Variants in UBE2L3 observed in about 807,000 individuals in gnomAD.
UBE2L3 encodes the protein ubiquitin-conjugating enzyme E2 L3.
In UBE2L3, 1 loss-of-function variant was observed where a neutral mutation model predicts 17.8. The observed-to-expected ratio is 0.06, with a 90% CI of 0.02 to 0.27. UBE2L3 has a LOEUF of 0.27. Among genes scored for constraint, UBE2L3 ranks in the 10% least tolerant of loss-of-function variants. The pLI is 1.00. For missense variants in UBE2L3, 40 were observed against 192.6 expected (o/e 0.21, Z 4.69); for synonymous variants, 44 against 68.5 (o/e 0.64, Z 1.76).
At chr22:21,611,383 G>C (rs2148442176) in intron 3 of UBE2L3, among the ~76,000 whole-genome samples, 1 of 152,330 alleles carries the variant, frequency 6.6e-6, no homozygotes, top group Middle Eastern at 3.4e-3. Context: ...ACAAGGGGAA[G>C]GGAGAGTGGG....
chr22:21,607,885 T>G (rs1929262470), intron 2 of UBE2L3, among the ~76,000 whole-genome samples: 1 of 152,132 alleles, frequency 6.6e-6, no homozygotes, highest in Non-Finnish European at 1.5e-5. Flanking sequence ...CTGGGAAGAT[T>G]GAGCTGGCCA....
intron 3 of UBE2L3, among the ~76,000 whole-genome samples, chr22:21,619,007 G>A (rs1281265636): frequency 6.6e-6 from 1 of 152,194 alleles, no homozygotes; most frequent in African/African-American, 2.4e-5. Flanking sequence ...CCTTAGCCCA[G>A]TGAGGTTTCT....
intron 2 of UBE2L3, among the ~76,000 whole-genome samples, chr22:21,598,114 T>C (rs748422427): frequency 1.2e-4 from 18 of 150,228 alleles, no homozygotes; most frequent in Non-Finnish European, 2.4e-4. Context: ...TTTAATAATA[T>C]GAGTCTTTTC....
intron 1 of UBE2L3, chr22:21,567,981 C>A: frequency 7.3e-6 from 10 of 1,366,240 alleles, no homozygotes; most frequent in Non-Finnish European, 9.4e-6. Context: ...CGCTGGGAGC[C>A]GCTGTCGGCC....
intron 3 of UBE2L3, among the ~76,000 whole-genome samples, chr22:21,615,701 C>T (rs1371554099): frequency 6.6e-6 from 1 of 152,210 alleles, no homozygotes. Context: ...TTTTTTGTAG[C>T]CCCAAAATCA....
At chr22:21,611,955 C>T (rs139076551) in intron 3 of UBE2L3, among the ~76,000 whole-genome samples, 15 of 152,234 alleles carry the variant, frequency 9.9e-5, no homozygotes, top group East Asian at 9.6e-4. Flanking sequence ...CCAGATCAGA[C>T]GGAGTCCAGA....
intron 1 of UBE2L3, among the ~76,000 whole-genome samples, chr22:21,586,778 G>A (rs1226500228): frequency 2.6e-5 from 4 of 151,524 alleles, no homozygotes; most frequent in Non-Finnish European, 5.9e-5. Flanking sequence ...ATGTCGGCCA[G>A]GCTGCTCTCA....
At chr22:21,601,088 T>G (rs1601427069) in intron 2 of UBE2L3, among the ~76,000 whole-genome samples, 2 of 151,896 alleles carry the variant, frequency 1.3e-5, no homozygotes. Context: ...GGAGAATTGC[T>G]TGAACCCAGG....
Position 21,604,640 on chromosome 22 carries a change from A to G in UBE2L3, c.124-6217A>G, listed in dbSNP as rs183421266. 9.9e-5 allele frequency among the ~76,000 whole-genome samples: 15 copies of G among 152,258 alleles called. 1 individual carries two copies. In the East Asian group the frequency reaches 2.1e-3, roughly 22 times the overall value. ...TGTTTTTTCATTAACATCCCTTGTT[A>G]TTTCTGAGTGGCCTTCCCAAAGGGC... On this transcript the variant is annotated intron_variant, in intron 2 of 3. Transcript: ENST00000342192.
intron 2 of UBE2L3, among the ~76,000 whole-genome samples, chr22:21,604,224 G>A (rs1471757219): frequency 6.6e-6 from 1 of 152,126 alleles, no homozygotes; most frequent in Non-Finnish European, 1.5e-5. Flanking sequence ...AATCAGCTGG[G>A]CGTAGTGGCT....
intron 3 of UBE2L3, among the ~76,000 whole-genome samples, chr22:21,612,542 G>T (rs1259565764): frequency 1.3e-5 from 2 of 150,646 alleles, no homozygotes; most frequent in African/African-American, 4.9e-5. Flanking sequence ...AGCCAGGATG[G>T]TCTCGATCTC....
chr22:21,586,514 G>A (rs952736695), intron 1 of UBE2L3, among the ~76,000 whole-genome samples: 20 of 149,458 alleles, frequency 1.3e-4, no homozygotes, highest in African/African-American at 4.2e-4. Context: ...CAAGTGATCC[G>A]CCCACCTCGG....
intron 2 of UBE2L3, among the ~76,000 whole-genome samples, chr22:21,608,810 G>A (rs931574677): frequency 2.2e-4 from 30 of 134,702 alleles, no homozygotes; most frequent in Non-Finnish European, 3.6e-4. Flanking sequence ...TTGAACTCCC[G>A]GCCTCAAGTG....
intron 1 of UBE2L3, among the ~76,000 whole-genome samples, chr22:21,583,402 A>G (rs1023972539): frequency 2.0e-5 from 3 of 152,214 alleles, no homozygotes; most frequent in African/African-American, 7.2e-5. Context: ...TAGGGATACT[A>G]CAGGCCTTTT....
rs546729261 is a variant in UBE2L3 at position 21,590,137 on chromosome 22, G to A, written c.28-2724G>A. ...TCATGTTACAGTTGAGTTCCATCTT[G>A]CCATATTTTTATAATTCTTGTGAAA... On this transcript the variant is annotated intron_variant, in intron 1 of 3. Transcript: ENST00000342192. 5.9e-5 allele frequency among the ~76,000 whole-genome samples: 9 copies of A among 152,168 alleles called. No homozygotes were observed. The South Asian group carries it at 1.7e-3, about 28-fold the overall frequency.
At chr22:21,613,984 G>A (rs1359102815) in intron 3 of UBE2L3, among the ~76,000 whole-genome samples, 1 of 152,170 alleles carries the variant, frequency 6.6e-6, no homozygotes, top group Non-Finnish European at 1.5e-5. Context: ...TTAATGAGAG[G>A]GAAAATAGAC....
intron 1 of UBE2L3, among the ~76,000 whole-genome samples, chr22:21,559,485 A>G (rs1008767502): frequency 6.6e-6 from 1 of 152,210 alleles, no homozygotes; most frequent in Non-Finnish European, 1.5e-5. Flanking sequence ...AATGGAATGT[A>G]GTAACATTGG....
intron 1 of UBE2L3, among the ~76,000 whole-genome samples, chr22:21,560,904 G>A (rs1361319130): frequency 6.6e-6 from 1 of 152,300 alleles, no homozygotes; most frequent in Non-Finnish European, 1.5e-5. Flanking sequence ...TGTTAAGCAT[G>A]CAATCTAGCC....
chr22:21,559,441 T>A (rs530247846), intron 1 of UBE2L3, among the ~76,000 whole-genome samples: 2 of 151,930 alleles, frequency 1.3e-5, no homozygotes, highest in Non-Finnish European at 2.9e-5. Context: ...AGGGCTCAGT[T>A]TGGGGGAGAA....
Sources: allele counts gnomAD v4.1 joint callset (sites outside exome capture counted in the v4.1 genomes callset), GRCh38; gene constraint gnomAD v4.1.1; transcripts MANE v1.5; gene names NCBI Gene and HGNC (gene_info 2026-07-23, HGNC 2026-07-21).